Variants in FAM120C observed in about 807,000 individuals in gnomAD.
FAM120C encodes constitutive coactivator of PPAR-gamma-like protein 2.
FAM120C carries 14 observed loss-of-function variants against 71.2 expected under a neutral mutation model. That is an observed-to-expected ratio of 0.20 (90% CI 0.13 to 0.31). FAM120C has a LOEUF of 0.31. Ranked by LOEUF, FAM120C falls within the 10% of genes least tolerant of loss-of-function variation. The pLI is 1.00. For missense variants in FAM120C, 500 were observed against 879.0 expected, an observed-to-expected ratio of 0.57 and a Z score of 5.45; for synonymous variants, 354 against 353.2, an observed-to-expected ratio of 1.00 and a Z score of -0.03.
chrX:54,150,993 G>A (rs181741595), intron 4 of FAM120C, among the ~76,000 whole-genome samples: 1 of 111,378 alleles, frequency 9.0e-6, no homozygotes, highest in African/African-American at 3.3e-5. Context: ...GGGAGTACAG[G>A]TGTGAGCCAC....
At chrX:54,098,296 C>T (rs1410621586) in intron 10 of FAM120C, among the ~76,000 whole-genome samples, 7 of 111,311 alleles carry the variant, frequency 6.3e-5, no homozygotes, top group African/African-American at 2.0e-4. Context: ...CCACCTCGGC[C>T]TCCCAAAGTG....
At chrX:54,085,638 G>A in intron 13 of FAM120C, 77 bp downstream of exon 13, 1 of 942,887 alleles carries the variant, frequency 1.1e-6, no homozygotes, top group Non-Finnish European at 1.5e-6. Flanking sequence ...TGTTGATCCT[G>A]TTATTGACAA....
chrX:54,100,170 G>A (rs181747615), intron 10 of FAM120C, among the ~76,000 whole-genome samples: 1 of 109,142 alleles, frequency 9.2e-6, no homozygotes, highest in East Asian at 2.9e-4. Context: ...ACGCAGTAAG[G>A]CTCCATCTCT....
chrX:54,085,678 A>G lies in FAM120C; in HGVS notation c.2839+37T>C, dbSNP rs782693570. Reference sequence around the variant, plus strand: ...GACTGGATAGATTATTATGACATAAATTGAGGATGGTAAATACCTCATTCT... The same window carrying G: ...GACTGGATAGATTATTATGACATAAGTTGAGGATGGTAAATACCTCATTCT... On this transcript the variant is annotated intron_variant, in intron 13 of 15. Coordinates refer to ENST00000375180, the MANE Select transcript of FAM120C (RefSeq NM_017848.6). 13 of 1,131,506 alleles carry G rather than the reference A, an allele frequency of 1.1e-5. No homozygotes were observed. The South Asian group carries it at 1.5e-4, about 13-fold the overall frequency. 93.2% of individuals were successfully genotyped at this position (1,131,506 alleles called of 1,213,427 possible).
chrX:54,127,563 C>A (rs1301614325), intron 9 of FAM120C, among the ~76,000 whole-genome samples: 2 of 96,372 alleles, frequency 2.1e-5, no homozygotes, highest in Non-Finnish European at 4.1e-5. Flanking sequence ...TGCATTCCAG[C>A]CAACAAACAA....
At chrX:54,078,691 T>C (rs1372427010) in intron 15 of FAM120C, among the ~76,000 whole-genome samples, 4 of 110,777 alleles carry the variant, frequency 3.6e-5, no homozygotes, top group Non-Finnish European at 7.5e-5. Context: ...GGGGGCTTGG[T>C]AGAAAGTAGG....
At position 54,116,466 on chromosome X, in the gene FAM120C, C is replaced by T. The variant is rs782801045; in HGVS notation, c.2312+79G>A. ...ATAAAAATTTCCCCACCTTGAAATACCATAAAAGCAGGTGCTTAAAGGAAA... is the reference window on the plus strand; with the variant it reads ...ATAAAAATTTCCCCACCTTGAAATATCATAAAAGCAGGTGCTTAAAGGAAA... On this transcript the variant is annotated intron_variant, in intron 10 of 15. Transcript: ENST00000375180. 290 of 1,070,442 alleles carry T rather than the reference C, an allele frequency of 2.7e-4. 1 individual carries two copies. In the African/African-American group the frequency reaches 5.0e-3, roughly 19 times the overall value. The allele number at this position is 1,070,442 out of a possible 1,213,427, so 88.2% of individuals were successfully genotyped here. A position where few individuals can be genotyped will look rare whatever the true frequency, so the allele number is the denominator to read the frequency against.
At position 54,182,760 on chromosome X, in the gene FAM120C, G is replaced by A. The variant is rs1426011106; in HGVS notation, c.439C>T (p.Leu147=). ...TGGCACAGCGCTGACAAGTAGCCCA[G>A]CATGGCGTTCCATTGGCCGCCACAC... ...WVCGGQWNAM[L]GYLSALCQAC... The change falls in exon 1 of 16, where the codon CTG becomes TTG. Residue 147 remains leucine, a synonymous_variant. Transcript: ENST00000375180. 5.0e-6 allele frequency: 6 copies of A among 1,208,606 alleles called. No homozygotes were observed. The highest frequency in any genetic ancestry group is 5.9e-5 in the East Asian group (2 of 33,705).
chrX:54,136,433 G>T, intron 5 of FAM120C, 58 bp downstream of exon 5: 1 of 876,888 alleles, frequency 1.1e-6, no homozygotes, highest in Non-Finnish European at 1.7e-6. Flanking sequence ...GAGTTCCTGA[G>T]GGACCAACTC....
At position 54,183,052 on chromosome X, in the gene FAM120C, T is replaced by C. The variant is rs1299921822; in HGVS notation, c.147A>G (p.Leu49=). 2.6e-6 allele frequency: 3 copies of C among 1,157,295 alleles called. No individual in the cohort carries two copies. The highest frequency in any genetic ancestry group is 2.6e-5 in the Admixed American group (1 of 38,684). Residue 49 remains leucine, a synonymous_variant, in exon 1 of 16, where the codon CTA becomes CTG. Transcript: ENST00000375180. ...LHRQLPPTAA[L]APGAPRAARG... ...TGGCGGCGCGTGGAGCCCCGGGCGC[T>C]AGGGCTGCAGTCGGCGGCAGCTGGC...
intron 9 of FAM120C, among the ~76,000 whole-genome samples, chrX:54,117,328 G>A (rs2066973197): frequency 9.9e-6 from 1 of 101,010 alleles, no homozygotes; most frequent in African/African-American, 3.9e-5. Context: ...ACTCCAGCCT[G>A]GGTGACAGAG....
At chrX:54,096,700 AAAAC>A (rs1288716128) in intron 10 of FAM120C, among the ~76,000 whole-genome samples, 1 of 112,082 alleles carries the variant, frequency 8.9e-6, no homozygotes, top group African/African-American at 3.2e-5. Context: ...TTCATATAAT[AAAAC>A]ATTCATATAA....
chrX:54,091,760 C>T (rs1008904135), intron 10 of FAM120C, among the ~76,000 whole-genome samples: 2 of 111,564 alleles, frequency 1.8e-5, no homozygotes, highest in African/African-American at 3.3e-5. Context: ...TTCAAAGGGC[C>T]TGTAGAATTT....
At chrX:54,145,367 G>C (rs1337382330) in intron 4 of FAM120C, among the ~76,000 whole-genome samples, 1 of 111,534 alleles carries the variant, frequency 9.0e-6, no homozygotes, top group Non-Finnish European at 1.9e-5. Flanking sequence ...ACTACCATCA[G>C]AGTGAACAGG....
Position 54,163,556 on chromosome X carries a change from T to G in FAM120C, c.700-3940A>C, listed in dbSNP as rs139275895. On this transcript the variant is annotated intron_variant, in intron 1 of 15. Coordinates refer to ENST00000375180, the MANE Select transcript of FAM120C (RefSeq NM_017848.6). ...GACTAGTACGTATTGGTTTACCCTT[T>G]GAGGTTATAAAAATCTTCTGGAATT... 5.0e-3 allele frequency among the ~76,000 whole-genome samples: 553 copies of G among 111,675 alleles called. 2 individuals carry two copies. Among genetic ancestry groups the G allele is most frequent in the African/African-American group, 0.017 (519 of 30,771 alleles).
chrX:54,134,724 G>A lies in FAM120C; in HGVS notation c.1616+107C>T, dbSNP rs968389165. 4 of 869,660 alleles carry A rather than the reference G, an allele frequency of 4.6e-6. No individual in the cohort carries two copies. The African/African-American group carries it at 6.1e-5, about 13-fold the overall frequency. 71.7% of individuals were successfully genotyped at this position (869,660 alleles called of 1,213,427 possible). A position where few individuals can be genotyped will look rare whatever the true frequency, so the allele number is the denominator to read the frequency against. The stretch of plus-strand genomic sequence containing the variant: ...GCTTTCCTAAGAGCAAAACACTACA[G>A]AGGAAACCCAGGAATACACTTTCCC... On this transcript the variant is annotated intron_variant, in intron 7 of 15. Coordinates refer to ENST00000375180, the MANE Select transcript of FAM120C (RefSeq NM_017848.6).
Position 54,069,049 on chromosome X carries a change from C to G in FAM120C, c.*3984G>C, listed in dbSNP as rs889160499. Reference sequence around the variant, plus strand: ...AATGTCAAAAGCTGAAATGGGCACCCTAGCACAGGGGATTTTTTTATTTTG... The same window carrying G: ...AATGTCAAAAGCTGAAATGGGCACCGTAGCACAGGGGATTTTTTTATTTTG... On this transcript the variant is annotated 3_prime_UTR_variant, in exon 16 of 16. Coordinates refer to ENST00000375180, the MANE Select transcript of FAM120C (RefSeq NM_017848.6). The G allele has an allele frequency of 8.9e-6, 1 of 111,734 alleles. No homozygotes were observed. The highest frequency in any genetic ancestry group is 1.9e-5 in the Non-Finnish European group (1 of 53,114). 9.2% of individuals were successfully genotyped at this position (111,734 alleles called of 1,213,427 possible). A position where few individuals can be genotyped will look rare whatever the true frequency, so the allele number is the denominator to read the frequency against.
At chrX:54,082,044 G>T (rs1421789362) in intron 13 of FAM120C, among the ~76,000 whole-genome samples, 1 of 108,062 alleles carries the variant, frequency 9.3e-6, no homozygotes, top group Non-Finnish European at 1.9e-5. Flanking sequence ...TTAGCCGGGC[G>T]TGGTGGTCCG....
At chrX:54,074,696 G>A (rs1460132777) in intron 15 of FAM120C, among the ~76,000 whole-genome samples, 4 of 112,770 alleles carry the variant, frequency 3.5e-5, no homozygotes, top group East Asian at 2.8e-4. Flanking sequence ...TATTATAGGC[G>A]TGAGCCACAG....
Sources: gnomAD v4.1 joint callset for allele counts (sites outside exome capture counted in the v4.1 genomes callset) on GRCh38, gnomAD v4.1.1 for gene constraint, MANE v1.5 for transcripts, NCBI Gene and HGNC (gene_info 2026-07-23, HGNC 2026-07-21) for gene names.